CPEB2: variants seen among roughly 807,000 people sequenced by gnomAD.
CPEB2 encodes the protein cytoplasmic polyadenylation element-binding protein 2.
In CPEB2, 56 loss-of-function variants were observed where a neutral mutation model predicts 93.6. The ratio of observed to expected loss-of-function variants is 0.60; its 90% CI spans 0.48 to 0.75. CPEB2 has a LOEUF of 0.75. Ranked by LOEUF, CPEB2 falls within the 30% of genes least tolerant of loss-of-function variation. CPEB2 has a pLI of 0.00. For synonymous variants in CPEB2, 764 were observed against 586.3 expected, an observed-to-expected ratio of 1.30 and a Z score of -4.38; for missense variants, 1,579 against 1,395.1, an observed-to-expected ratio of 1.13 and a Z score of -2.10.
chr4:15,033,094 GT>G, intron 4 of CPEB2, 66 bp from the exon 5 acceptor site: 1 of 1,129,596 alleles, frequency 8.9e-7, no homozygotes, highest in Non-Finnish European at 1.3e-6. Context: ...GTTGTTTTTT[GT>G]TTTTTTGTTT....
intron 1 of CPEB2, 55 bp downstream of exon 1, chr4:15,004,390 G>T: frequency 2.3e-6 from 3 of 1,307,220 alleles, no homozygotes; most frequent in Non-Finnish European, 2.0e-6. Flanking sequence ...ATGGGCGGGG[G>T]ACGGAGGCGG....
At chr4:15,025,193 G>A (rs1725315502) in intron 4 of CPEB2, among the ~76,000 whole-genome samples, 1 of 151,748 alleles carries the variant, frequency 6.6e-6, no homozygotes, top group African/African-American at 2.4e-5. Flanking sequence ...CAAATCTTGA[G>A]TTTTTTGTTT....
At chr4:15,036,551 A>C (rs1376275114) in intron 5 of CPEB2, among the ~76,000 whole-genome samples, 3 of 152,230 alleles carry the variant, frequency 2.0e-5, no homozygotes, top group African/African-American at 7.2e-5. Context: ...CCTGCCTTCC[A>C]TAGTAGTAAA....
intron 1 of CPEB2, chr4:15,005,076 G>A (rs980950719): frequency 1.3e-4 from 20 of 152,230 alleles, no homozygotes; most frequent in African/African-American, 4.6e-4. Context: ...CGCCGGCCCA[G>A]GAGGGAGTCG....
At chr4:15,055,959 C>T (rs1407255124) in intron 8 of CPEB2, among the ~76,000 whole-genome samples, 5 of 152,176 alleles carry the variant, frequency 3.3e-5, no homozygotes, top group Admixed American at 3.3e-4. Context: ...AGGTCAGTTC[C>T]TCCTGCCCAA....
At chr4:15,046,946 T>C (rs1416013549) in intron 6 of CPEB2, among the ~76,000 whole-genome samples, 1 of 152,236 alleles carries the variant, frequency 6.6e-6, no homozygotes, top group African/African-American at 2.4e-5. Flanking sequence ...AAGTCTGTGA[T>C]CCTTCTTGGA....
rs1722096285 is a variant in CPEB2, at chr4:15,002,607, C to T, written c.-67C>T. 14 of 1,341,166 alleles carry T rather than the reference C, an allele frequency of 1.0e-5. No individual in the cohort carries two copies. Among genetic ancestry groups the T allele is most frequent in the Admixed American group, 5.5e-5 (2 of 36,340 alleles). 83.1% of individuals were successfully genotyped at this position (1,341,166 alleles called of 1,614,324 possible). A position where few individuals can be genotyped will look rare whatever the true frequency, so the allele number is the denominator to read the frequency against. Reference sequence around the variant, plus strand: ...TTCCACCACGGCCGCGCAACCCCAGCGCCGGCGGCTTCCTAGGTGGGGCAG... The same window carrying T: ...TTCCACCACGGCCGCGCAACCCCAGTGCCGGCGGCTTCCTAGGTGGGGCAG... On this transcript the variant is annotated 5_prime_UTR_variant, in exon 1 of 12. Coordinates refer to ENST00000538197, the MANE Select transcript of CPEB2 (RefSeq NM_001177382.2).
intron 4 of CPEB2, among the ~76,000 whole-genome samples, chr4:15,032,376 A>G (rs1309454210): frequency 1.3e-5 from 2 of 152,196 alleles, no homozygotes; most frequent in East Asian, 1.9e-4. Context: ...TGCTATTGGC[A>G]TTTATCAAAT....
At position 15,066,722 on chromosome 4, in the gene CPEB2, A is replaced by G. The variant is rs756975972; in HGVS notation, c.*342A>G. 2.9e-5 allele frequency: 6 copies of G among 206,262 alleles called. No homozygotes were observed. Among genetic ancestry groups the G allele is most frequent in the Admixed American group, 5.4e-5 (1 of 18,378 alleles). 12.8% of individuals were successfully genotyped at this position (206,262 alleles called of 1,614,324 possible). On this transcript the variant is annotated 3_prime_UTR_variant, in exon 12 of 12. Coordinates refer to ENST00000538197, the MANE Select transcript of CPEB2 (RefSeq NM_001177382.2). The stretch of plus-strand genomic sequence containing the variant: ...CTGCTATATAGTGGGGGAAGCGTGC[A>G]CTTATTTCTAAACATGGGTTTTTAA...
chr4:15,018,174 G>A (rs11934352), intron 4 of CPEB2, among the ~76,000 whole-genome samples: 8,061 of 151,744 alleles, frequency 0.053, 246 homozygotes, highest in Non-Finnish European at 0.07. Context: ...GTAAATTTTC[G>A]CCATTTTTAA....
At chr4:15,035,211 C>CT (rs71648192) in intron 5 of CPEB2, among the ~76,000 whole-genome samples, 41,249 of 150,682 alleles carry the variant, frequency 0.27, 6,765 homozygotes, top group Non-Finnish European at 0.38. Context: ...GTCTTTTTTT[C>CT]TTTTTTTTTG....
rs555507882 is a variant in CPEB2 at position 15,065,946 on chromosome 4, G to A, written c.2878-207G>A. Among the ~76,000 whole-genome samples the A allele has an allele frequency of 6.7e-3, 1,021 of 152,168 alleles. 12 individuals carry two copies. Among genetic ancestry groups the A allele is most frequent in the African/African-American group, 0.023 (951 of 41,524 alleles). On this transcript the variant is annotated intron_variant, in intron 11 of 11. Transcript: ENST00000538197. ...TTCAAAGATGTTATTCAAGAAAGGT[G>A]AGAGTGGAATGTTTTGCAAATCAGA...
intron 4 of CPEB2, among the ~76,000 whole-genome samples, chr4:15,024,932 G>A (rs928345850): frequency 6.6e-6 from 1 of 151,786 alleles, no homozygotes; most frequent in African/African-American, 2.4e-5. Context: ...TTTCAGTAGA[G>A]ACGGGGTTTC....
Position 15,033,668 on chromosome 4 carries a change from C to T in CPEB2, c.2176+457C>T, listed in dbSNP as rs192430895. Reference sequence around the variant, plus strand: ...CTATAAATATTGTGATCACACTAAACTTACTCAAACTAGAAAGCTTACATA... The same window carrying T: ...CTATAAATATTGTGATCACACTAAATTTACTCAAACTAGAAAGCTTACATA... On this transcript the variant is annotated intron_variant, in intron 5 of 11. Coordinates refer to ENST00000538197, the MANE Select transcript of CPEB2 (RefSeq NM_001177382.2). Among the ~76,000 whole-genome samples, 369 of 152,300 alleles carry T rather than the reference C, an allele frequency of 2.4e-3. 3 individuals are homozygous for T. Among genetic ancestry groups the T allele is most frequent in the African/African-American group, 8.3e-3 (344 of 41,560 alleles).
intron 4 of CPEB2, among the ~76,000 whole-genome samples, chr4:15,023,933 G>T (rs537066158): frequency 9.9e-5 from 15 of 151,968 alleles, no homozygotes; most frequent in Admixed American, 2.6e-4. Context: ...GTATTACTGA[G>T]ATAAGGCAAA....
At position 15,003,846 on chromosome 4, in the gene CPEB2, ACCCCAG is replaced by A; in HGVS notation, c.1181_1186del (p.Pro394_Gln395del). On this transcript the variant is annotated inframe_deletion, in exon 1 of 12. Coordinates refer to ENST00000538197, the MANE Select transcript of CPEB2 (RefSeq NM_001177382.2). ...GGTCGGTGCAGACCGCGTCGCCGCC[ACCCCAG>A]CCCCAGCAGCCGCCGCCGACCCAGC... 1 of 856,926 alleles carries A rather than the reference ACCCCAG, an allele frequency of 1.2e-6. No homozygotes were observed. The highest frequency in any genetic ancestry group is 1.5e-6 in the Non-Finnish European group (1 of 652,878). 53.1% of individuals were successfully genotyped at this position (856,926 alleles called of 1,614,324 possible).
intron 4 of CPEB2, among the ~76,000 whole-genome samples, chr4:15,027,379 C>G (rs1283751566): frequency 6.6e-6 from 1 of 151,900 alleles, no homozygotes; most frequent in African/African-American, 2.4e-5. Context: ...TTCTGTTGCT[C>G]TCTTCGGATC....
rs1729253451 is a variant in CPEB2 at position 15,062,204 on chromosome 4, A to G, written c.2821A>G (p.Ile941Val). The G allele has an allele frequency of 2.5e-6, 4 of 1,612,740 alleles. No individual in the cohort carries two copies. The South Asian group carries it at 3.3e-5, about 13-fold the overall frequency. ...TGCTTTCTCCAATCAGCAGAGCTATATTGCTGCCATTAGTGCTCGGTTTGT... is the reference window on the plus strand; with the variant it reads ...TGCTTTCTCCAATCAGCAGAGCTATGTTGCTGCCATTAGTGCTCGGTTTGT... ...RVAFSNQQSY[I>V]AAISARFVQL... Residue 941 changes from isoleucine to valine, a missense_variant, in exon 11 of 12, where the codon ATT becomes GTT. By Grantham distance (29) the Ile-to-Val change is conservative. Around this residue, in one of 2 missense-constraint regions of CPEB2, gnomAD observed 168 missense variants for 339.1 expected, o/e 0.50. Transcript: ENST00000538197.
At chr4:15,046,516 G>A (rs900743709) in intron 6 of CPEB2, among the ~76,000 whole-genome samples, 4 of 152,138 alleles carry the variant, frequency 2.6e-5, no homozygotes, top group Admixed American at 6.5e-5. Context: ...ATGAGCCATC[G>A]CGCCTGGCCA....
Sources: gnomAD v4.1 joint callset for allele counts (sites outside exome capture counted in the v4.1 genomes callset) on GRCh38, gnomAD v4.1.1 for gene constraint, gnomAD v4.1.1 regional missense constraint, MANE v1.5 for transcripts, NCBI Gene and HGNC (gene_info 2026-07-23, HGNC 2026-07-21) for gene names.